Variants in LIPI observed in about 807,000 individuals in gnomAD.
The protein encoded by LIPI is lipase member I.
Under a neutral mutation model 50.6 loss-of-function variants are expected in LIPI, and 59 were observed. The ratio of observed to expected loss-of-function variants is 1.16; its 90% CI spans 0.94 to 1.45. The LOEUF (loss-of-function observed/expected upper bound fraction) is 1.45, where lower values mean the gene tolerates loss of function less well. Ranked by LOEUF, LIPI falls within the 40% of genes most tolerant of loss-of-function variation. The pLI, the probability that LIPI is intolerant of heterozygous loss-of-function variation, is 0.00. For missense variants in LIPI, 586 were observed against 536.3 expected (o/e 1.09, Z -0.92); for synonymous variants, 203 against 178.2 (o/e 1.14, Z -1.11).
chr21:14,171,006 C>T (rs1474929162), intron 4 of LIPI, among the ~76,000 whole-genome samples: 1 of 151,292 alleles, frequency 6.6e-6, no homozygotes, highest in Non-Finnish European at 1.5e-5. Context: ...TGATAAGCAA[C>T]TTCAGCAAAG....
chr21:14,154,245 A>G (rs1369946120), intron 7 of LIPI, among the ~76,000 whole-genome samples: 1 of 152,144 alleles, frequency 6.6e-6, no homozygotes, highest in Non-Finnish European at 1.5e-5. Flanking sequence ...TAGAAGATAA[A>G]TGAAAAAAAG....
At chr21:14,120,923 G>C (rs370902254) in intron 9 of LIPI, among the ~76,000 whole-genome samples, 4 of 152,162 alleles carry the variant, frequency 2.6e-5, no homozygotes, top group African/African-American at 9.7e-5. Context: ...TGTGTTACTT[G>C]CATCCAGAAT....
intron 4 of LIPI, among the ~76,000 whole-genome samples, chr21:14,179,090 G>T (rs1236155649): frequency 2.0e-5 from 3 of 151,872 alleles, no homozygotes; most frequent in Non-Finnish European, 4.4e-5. Flanking sequence ...CAATATGAGG[G>T]TTTCAAAAGC....
chr21:14,166,909 G>A (rs951270821), intron 4 of LIPI, among the ~76,000 whole-genome samples: 2 of 152,216 alleles, frequency 1.3e-5, no homozygotes, highest in African/African-American at 4.8e-5. Context: ...GCAGGGTGAG[G>A]CATTACCTTA....
chr21:14,166,931 C>T (rs1047311873), intron 4 of LIPI, among the ~76,000 whole-genome samples: 1 of 152,208 alleles, frequency 6.6e-6, no homozygotes, highest in Non-Finnish European at 1.5e-5. Context: ...TCGGGAAGCA[C>T]AAGGGATCAG....
chr21:14,145,804 C>A (rs2017883817), intron 8 of LIPI, among the ~76,000 whole-genome samples: 2 of 152,146 alleles, frequency 1.3e-5, no homozygotes, highest in African/African-American at 4.8e-5. Flanking sequence ...CAGAGAACAG[C>A]TGAAGAGTAA....
At chr21:14,210,319 T>C (rs2020330269) in intron 1 of LIPI, among the ~76,000 whole-genome samples, 1 of 152,152 alleles carries the variant, frequency 6.6e-6, no homozygotes, top group Non-Finnish European at 1.5e-5. Flanking sequence ...AGCTTTGTTT[T>C]TCGTCATACT....
chr21:14,209,739 G>A (rs1368960691), intron 1 of LIPI, among the ~76,000 whole-genome samples: 1 of 151,946 alleles, frequency 6.6e-6, no homozygotes, highest in Non-Finnish European at 1.5e-5. Context: ...TGTCAAATAA[G>A]TTTTTAATGT....
chr21:14,171,347 C>T (rs1324006505), intron 4 of LIPI, among the ~76,000 whole-genome samples: 1 of 145,864 alleles, frequency 6.9e-6, no homozygotes, highest in African/African-American at 2.5e-5. Context: ...ACTTTCTTCA[C>T]AGAATTGGAA....
At chr21:14,165,457 CAAAGT>C (rs2018648054) in intron 5 of LIPI, 67 bp from the exon 6 acceptor site, 3 of 1,217,076 alleles carry the variant, frequency 2.5e-6, no homozygotes, top group Non-Finnish European at 3.6e-6. Context: ...CATTTAAAAA[CAAAGT>C]AAAGATGAAG....
intron 9 of LIPI, among the ~76,000 whole-genome samples, chr21:14,131,272 C>A (rs2017283568): frequency 6.6e-6 from 1 of 152,104 alleles, no homozygotes; most frequent in Non-Finnish European, 1.5e-5. Flanking sequence ...CCTCCAGGAC[C>A]AACTAGCACT....
chr21:14,210,585 TA>T (rs2020336693), intron 1 of LIPI, among the ~76,000 whole-genome samples: 1 of 151,948 alleles, frequency 6.6e-6, no homozygotes, highest in Non-Finnish European at 1.5e-5. Flanking sequence ...GGCAAGGAAA[TA>T]AAATGCAAAA....
intron 7 of LIPI, among the ~76,000 whole-genome samples, chr21:14,153,651 C>T (rs889797692): frequency 2.6e-5 from 4 of 152,002 alleles, no homozygotes; most frequent in Admixed American, 1.3e-4. Context: ...AGCCCTGGAC[C>T]CCTCTGGGAC....
chr21:14,109,205 G>T (rs965713266), intron 9 of LIPI, 125 bp from the exon 10 acceptor site: 15 of 746,950 alleles, frequency 2.0e-5, no homozygotes, highest in Non-Finnish European at 3.0e-5. Flanking sequence ...TAAATGTAGG[G>T]AGTTGGAACA....
intron 4 of LIPI, among the ~76,000 whole-genome samples, chr21:14,172,070 AC>A (rs2018931565): frequency 6.6e-6 from 1 of 152,240 alleles, no homozygotes; most frequent in Admixed American, 6.5e-5. Flanking sequence ...ATGAACCAAC[AC>A]TTCTCAAAAG....
chr21:14,138,471 T>TA (rs200159459), intron 9 of LIPI, among the ~76,000 whole-genome samples: 4,144 of 152,208 alleles, frequency 0.027, 181 homozygotes, highest in African/African-American at 0.091. Flanking sequence ...CTAGAGGAGT[T>TA]AAAACAAGTG....
In LIPI at chr21:14,163,499, C is replaced by T. The variant is rs2018568116; in HGVS notation, c.926G>A (p.Gly309Asp). 6.3e-7 allele frequency: 1 copy of T among 1,575,332 alleles called. No individual in the cohort carries two copies. Among genetic ancestry groups the T allele is most frequent in the African/African-American group, 1.3e-5 (1 of 74,266 alleles). ...RLGYQAKLFK[G>D]VLKERMEGRP... ...TCCTTCCATCCTTTCTTTTAAAACA[C>T]CTTTAAATAGCTTGGCTTGATAACC... Residue 309 changes from glycine to aspartate, a missense_variant, in exon 7 of 10, where the codon GGT becomes GAT. Gly to Asp is a moderately conservative substitution (Grantham distance 94). Transcript: ENST00000681601.
chr21:14,197,692 A>G (rs1303210967), intron 1 of LIPI, among the ~76,000 whole-genome samples: 2 of 152,182 alleles, frequency 1.3e-5, no homozygotes, highest in African/African-American at 4.8e-5. Context: ...ATTGGAAAAC[A>G]TATTTCAGGA....
At chr21:14,178,201 A>G (rs560510926) in intron 4 of LIPI, among the ~76,000 whole-genome samples, 2 of 152,308 alleles carry the variant, frequency 1.3e-5, no homozygotes, top group East Asian at 3.9e-4. Context: ...AATGGAATTA[A>G]TTGGGCATTT....
Sources: gnomAD v4.1 joint callset for allele counts (sites outside exome capture counted in the v4.1 genomes callset) on GRCh38, gnomAD v4.1.1 for gene constraint, MANE v1.5 for transcripts, NCBI Gene and HGNC (gene_info 2026-07-23, HGNC 2026-07-21) for gene names.